The following RBMS3 variants were observed in gnomAD, a reference collection of about 807,000 sequenced individuals.
RBMS3 encodes the protein RNA binding motif single stranded interacting protein 3.
Under a neutral mutation model 66.8 loss-of-function variants are expected in RBMS3, and 27 were observed. The observed-to-expected ratio is 0.40, with a 90% CI of 0.30 to 0.56. The LOEUF (loss-of-function observed/expected upper bound fraction) is 0.56. RBMS3 is among the 20% of genes least tolerant of loss of function. The pLI is 0.40. For missense variants in RBMS3, 513 were observed against 549.5 expected, an observed-to-expected ratio of 0.93 and a Z score of 0.66; for synonymous variants, 188 against 183.0, an observed-to-expected ratio of 1.03 and a Z score of -0.22.
intron 2 of RBMS3, among the ~76,000 whole-genome samples, chr3:29,469,245 A>C (rs2042639906): frequency 6.6e-6 from 1 of 152,246 alleles, no homozygotes; most frequent in East Asian, 1.9e-4. Context: ...ATTCTGCATC[A>C]TTAAACATTG....
intron 4 of RBMS3, among the ~76,000 whole-genome samples, chr3:29,650,270 CCTTT>C (rs201979396): frequency 0.076 from 11,086 of 145,304 alleles, 452 homozygotes; most frequent in Middle Eastern, 0.15. Context: ...GTCAATTACT[CCTTT>C]CTTTCTTTTT....
intron 4 of RBMS3, among the ~76,000 whole-genome samples, chr3:29,634,094 G>C (rs1188252732): frequency 6.6e-6 from 1 of 151,946 alleles, no homozygotes; most frequent in East Asian, 1.9e-4. Context: ...GTATTTTGTT[G>C]ATCACCAACA....
intron 14 of RBMS3, among the ~76,000 whole-genome samples, chr3:30,000,097 G>A (rs11710759): frequency 0.14 from 21,577 of 151,936 alleles, 1,793 homozygotes; most frequent in East Asian, 0.2. Flanking sequence ...TATCATCAGG[G>A]TGAACAGGCA....
intron 6 of RBMS3, among the ~76,000 whole-genome samples, chr3:29,825,461 C>G (rs1303934778): frequency 6.6e-6 from 1 of 152,092 alleles, no homozygotes; most frequent in Non-Finnish European, 1.5e-5. Context: ...TGGGAGGGAC[C>G]TGGTGAGAGG....
At chr3:29,879,016 G>A (rs1329404182) in intron 7 of RBMS3, among the ~76,000 whole-genome samples, 1 of 152,012 alleles carries the variant, frequency 6.6e-6, no homozygotes, top group Non-Finnish European at 1.5e-5. Context: ...TCCAACCTGG[G>A]CAACAGAGTG....
intron 2 of RBMS3, among the ~76,000 whole-genome samples, chr3:29,462,234 T>C (rs1275406160): frequency 2.0e-5 from 3 of 152,184 alleles, no homozygotes; most frequent in Non-Finnish European, 4.4e-5. Flanking sequence ...AAATCTAATT[T>C]CTCTACAGAC....
In RBMS3 at chr3:29,293,533, A is replaced by G. The variant is rs538826296; in HGVS notation, c.75+11777A>G. 2.0e-4 allele frequency among the ~76,000 whole-genome samples: 30 copies of G among 151,854 alleles called. 1 individual carries two copies. The highest frequency in any genetic ancestry group is 3.5e-4 in the Non-Finnish European group (24 of 67,826). On this transcript the variant is annotated intron_variant, in intron 1 of 14. Coordinates refer to ENST00000383767, the MANE Select transcript of RBMS3 (RefSeq NM_001003793.3). ...GTAAAAAGAGTGTCTAGATTTCAAC[A>G]TGGCCCATAAAAGGCTAGCTGCTAT...
At chr3:29,968,499 G>A (rs1006579988) in intron 12 of RBMS3, among the ~76,000 whole-genome samples, 2 of 150,296 alleles carry the variant, frequency 1.3e-5, no homozygotes, top group Non-Finnish European at 3.0e-5. Flanking sequence ...TTGAGGACCC[G>A]GTGAGCTCCC....
chr3:29,622,849 T>G (rs764536601), intron 4 of RBMS3, among the ~76,000 whole-genome samples: 1 of 152,140 alleles, frequency 6.6e-6, no homozygotes. Context: ...ACAGGAGCGG[T>G]GGCTCACAGC....
chr3:29,918,315 G>C (rs61134694), intron 10 of RBMS3, among the ~76,000 whole-genome samples: 7,243 of 152,116 alleles, frequency 0.048, 594 homozygotes, highest in African/African-American at 0.17. Flanking sequence ...AGCATATGAA[G>C]TAAGATATTT....
intron 10 of RBMS3, among the ~76,000 whole-genome samples, chr3:29,911,988 T>TAGACAGAC (rs796957551): frequency 6.8e-6 from 1 of 146,242 alleles, no homozygotes; most frequent in African/African-American, 2.8e-5. Flanking sequence ...AATAGCTAGA[T>TAGACAGAC]AGATAGATAG....
chr3:29,882,864 A>G (rs2059769211), intron 7 of RBMS3, among the ~76,000 whole-genome samples: 1 of 152,094 alleles, frequency 6.6e-6, no homozygotes, highest in South Asian at 2.1e-4. Context: ...AACTCTTCAT[A>G]GCTCATCCAC....
intron 6 of RBMS3, among the ~76,000 whole-genome samples, chr3:29,791,086 T>G (rs1032651925): frequency 1.3e-5 from 2 of 152,198 alleles, no homozygotes; most frequent in Non-Finnish European, 2.9e-5. Flanking sequence ...GTTTAAGAAG[T>G]CTTGTAACAC....
chr3:29,858,854 G>A (rs944824767), intron 6 of RBMS3, among the ~76,000 whole-genome samples: 8 of 152,132 alleles, frequency 5.3e-5, no homozygotes, highest in Non-Finnish European at 4.4e-5. Flanking sequence ...AGGAGATCTT[G>A]AGATCACTAT....
At chr3:29,900,989 T>A (rs1414974597) in intron 10 of RBMS3, among the ~76,000 whole-genome samples, 1 of 151,772 alleles carries the variant, frequency 6.6e-6, no homozygotes, top group Non-Finnish European at 1.5e-5. Flanking sequence ...TAAGGAACTT[T>A]TCATGTTGCT....
chr3:29,874,536 A>G (rs1340677879), intron 7 of RBMS3, among the ~76,000 whole-genome samples: 1 of 151,638 alleles, frequency 6.6e-6, no homozygotes, highest in East Asian at 1.9e-4. Flanking sequence ...GGTTCTGCAA[A>G]TAGTCTTTTT....
At chr3:29,807,133 C>G (rs1227357600) in intron 6 of RBMS3, among the ~76,000 whole-genome samples, 1 of 151,648 alleles carries the variant, frequency 6.6e-6, no homozygotes, top group Non-Finnish European at 1.5e-5. Flanking sequence ...GTAACAGGTT[C>G]AAAGGAAAAA....
intron 4 of RBMS3, among the ~76,000 whole-genome samples, chr3:29,658,778 C>G (rs1226104795): frequency 6.6e-6 from 1 of 152,172 alleles, no homozygotes; most frequent in Admixed American, 6.5e-5. Flanking sequence ...GGCTTTTTGA[C>G]ATTCTGATTT....
In RBMS3 at chr3:29,546,501, C is replaced by T. The variant is rs80344417; in HGVS notation, c.308-40613C>T. On this transcript the variant is annotated intron_variant, in intron 3 of 14. Transcript: ENST00000383767. ...ATACAGCAAAAAAGTTTGTGCTGTA[C>T]GACTGCTTATATGCACCTAAAACAA... Among the ~76,000 whole-genome samples the T allele has an allele frequency of 7.8e-4, 118 of 152,216 alleles. 1 individual carries two copies. Among genetic ancestry groups the T allele is most frequent in the Middle Eastern group, 3.4e-3 (1 of 294 alleles).
Sources: allele counts gnomAD v4.1 joint callset (sites outside exome capture counted in the v4.1 genomes callset), GRCh38; gene constraint gnomAD v4.1.1; transcripts MANE v1.5; gene names NCBI Gene and HGNC (gene_info 2026-07-23, HGNC 2026-07-21).